The following CHST8 variants were observed in gnomAD, a reference collection of about 807,000 sequenced individuals.
CHST8 encodes the protein GALNAC-4-ST1.
A neutral mutation model predicts 15.0 loss-of-function variants in CHST8; 10 were observed. The ratio of observed to expected loss-of-function variants is 0.67; its 90% CI spans 0.41 to 1.13. CHST8 has a LOEUF of 1.13. Among genes scored for constraint, CHST8 ranks in the 50% most tolerant of loss-of-function variants. The pLI, the probability that CHST8 is intolerant of heterozygous loss-of-function variation, is 0.00. For missense variants in CHST8, 634 were observed against 608.2 expected, an observed-to-expected ratio of 1.04 and a Z score of -0.45; for synonymous variants, 259 against 256.6, an observed-to-expected ratio of 1.01 and a Z score of -0.09.
intron 3 of CHST8, among the ~76,000 whole-genome samples, chr19:33,714,121 C>T (rs202019559): frequency 6.6e-6 from 1 of 152,112 alleles, no homozygotes; most frequent in East Asian, 1.9e-4. Context: ...AGTAAAACTA[C>T]CATTTGATCC....
intron 3 of CHST8, among the ~76,000 whole-genome samples, chr19:33,765,513 T>TTGTGTGTGTGTGTGTGTGTG (rs61673440): frequency 7.6e-6 from 1 of 131,608 alleles, no homozygotes; most frequent in Non-Finnish European, 1.6e-5. Context: ...ATGCCAGTCT[T>TTGTGTGTGTGTGTGTGTGTG]TGTGTGTGTG....
chr19:33,650,526 T>TTC (rs1972431169), intron 1 of CHST8, among the ~76,000 whole-genome samples: 1 of 108,554 alleles, frequency 9.2e-6, no homozygotes, highest in African/African-American at 3.9e-5. Flanking sequence ...TTCTTTTTTT[T>TTC]TTTTTTTTTT....
At chr19:33,742,608 A>C (rs1208690991) in intron 3 of CHST8, among the ~76,000 whole-genome samples, 1 of 152,190 alleles carries the variant, frequency 6.6e-6, no homozygotes, top group African/African-American at 2.4e-5. Flanking sequence ...ATTTCATTTC[A>C]ACATGAGATT....
chr19:33,751,803 CCTG>C (rs998761411), intron 3 of CHST8, among the ~76,000 whole-genome samples: 1 of 152,222 alleles, frequency 6.6e-6, no homozygotes, highest in Admixed American at 6.5e-5. Flanking sequence ...TAAAACCTAT[CCTG>C]CTGAAGCCCC....
chr19:33,772,868 C>G lies in CHST8; in HGVS notation c.1080C>G (p.Ser360Arg). 1 of 1,613,530 alleles carries G rather than the reference C, an allele frequency of 6.2e-7. No homozygotes were observed. The change falls in exon 5 of 5, where the codon AGC becomes AGG. Residue 360 changes from serine (S) to arginine (R), a missense_variant. Physicochemically the swap from Ser to Arg is moderately radical, Grantham distance 110 (BLOSUM62 -1). Transcript: ENST00000650847. ...SMEDDANFFL[S>R]LIRAPRNLTF... is the part of the protein sequence containing the mutation. ...AGGACGATGCCAACTTCTTCCTGAG[C>G]CTCATCCGCGCGCCGCGGAACCTGA...
intron 2 of CHST8, among the ~76,000 whole-genome samples, chr19:33,672,745 C>T (rs1167320529): frequency 6.6e-6 from 1 of 152,166 alleles, no homozygotes; most frequent in Non-Finnish European, 1.5e-5. Flanking sequence ...GGCCCTGGGC[C>T]AGCTTCCGAG....
At chr19:33,668,509 A>G (rs1034024511) in intron 2 of CHST8, among the ~76,000 whole-genome samples, 2 of 152,090 alleles carry the variant, frequency 1.3e-5, no homozygotes, top group African/African-American at 4.8e-5. Context: ...TCATCTTACC[A>G]CCTACCCCAG....
chr19:33,677,231 C>T (rs34549443), intron 2 of CHST8, among the ~76,000 whole-genome samples: 14,735 of 152,136 alleles, frequency 0.097, 931 homozygotes, highest in Middle Eastern at 0.18. Flanking sequence ...CCCAGTTAGC[C>T]GAGTGCTGCC....
At chr19:33,730,470 A>C (rs1225993723) in intron 3 of CHST8, among the ~76,000 whole-genome samples, 5 of 152,212 alleles carry the variant, frequency 3.3e-5, no homozygotes, top group Non-Finnish European at 5.9e-5. Flanking sequence ...TTTTCCCCTA[A>C]GGAAAGAAGT....
At chr19:33,625,419 G>T (rs1042025553) in intron 1 of CHST8, among the ~76,000 whole-genome samples, 2 of 152,096 alleles carry the variant, frequency 1.3e-5, no homozygotes, top group African/African-American at 2.4e-5. Flanking sequence ...AATTAGAGCC[G>T]ATAAACACCA....
At chr19:33,714,442 G>C (rs937987227) in intron 3 of CHST8, among the ~76,000 whole-genome samples, 1 of 152,162 alleles carries the variant, frequency 6.6e-6, no homozygotes, top group Non-Finnish European at 1.5e-5. Flanking sequence ...GGAGCTAAAC[G>C]ATGGGTACCC....
At chr19:33,695,937 T>A (rs1159496344) in intron 3 of CHST8, among the ~76,000 whole-genome samples, 1 of 150,504 alleles carries the variant, frequency 6.6e-6, no homozygotes, top group Non-Finnish European at 1.5e-5. Flanking sequence ...GCGATTCTCC[T>A]GCCTTAGCTT....
chr19:33,716,566 C>T (rs1973669235), intron 3 of CHST8, among the ~76,000 whole-genome samples: 1 of 152,160 alleles, frequency 6.6e-6, no homozygotes, highest in African/African-American at 2.4e-5. Flanking sequence ...CAAGGTCTTA[C>T]TCTGTTGCCC....
At chr19:33,726,754 A>T (rs1973910001) in intron 3 of CHST8, among the ~76,000 whole-genome samples, 1 of 152,082 alleles carries the variant, frequency 6.6e-6, no homozygotes, top group Admixed American at 6.5e-5. Context: ...CCTGACCGCC[A>T]TAAAGAAGGG....
At chr19:33,749,496 G>T (rs898017206) in intron 3 of CHST8, among the ~76,000 whole-genome samples, 7 of 148,640 alleles carry the variant, frequency 4.7e-5, no homozygotes, top group Non-Finnish European at 7.4e-5. Context: ...CCTTCTGTAG[G>T]GGCCGATGCT....
intron 3 of CHST8, among the ~76,000 whole-genome samples, chr19:33,698,409 A>C (rs1326148082): frequency 2.0e-5 from 3 of 151,906 alleles, no homozygotes. Flanking sequence ...AAAAGAAAGA[A>C]AGAAAGAAAG....
intron 1 of CHST8, among the ~76,000 whole-genome samples, chr19:33,654,442 A>T (rs1409700674): frequency 6.6e-6 from 1 of 152,064 alleles, no homozygotes; most frequent in African/African-American, 2.4e-5. Flanking sequence ...AAATTATCCA[A>T]ACTAATTTAA....
chr19:33,694,967 C>T (rs1033330301), intron 3 of CHST8, among the ~76,000 whole-genome samples: 2 of 149,632 alleles, frequency 1.3e-5, no homozygotes, highest in African/African-American at 2.5e-5. Context: ...CCTTCCCTTC[C>T]CTTCTTGAGG....
intron 1 of CHST8, among the ~76,000 whole-genome samples, chr19:33,637,171 C>G (rs529267147): frequency 1.3e-4 from 20 of 152,158 alleles, no homozygotes; most frequent in Non-Finnish European, 2.5e-4. Context: ...TAGCTTTTGG[C>G]TGGCTTCTTT....
Sources: allele counts gnomAD v4.1 joint callset (sites outside exome capture counted in the v4.1 genomes callset), GRCh38; gene constraint gnomAD v4.1.1; transcripts MANE v1.5; gene names NCBI Gene and HGNC (gene_info 2026-07-23, HGNC 2026-07-21).